The following CMSS1 variants were observed in gnomAD, a reference collection of about 807,000 sequenced individuals.
The protein encoded by CMSS1 is cms1 ribosomal small subunit homolog, also known as protein CMSS1.
In CMSS1, 33 loss-of-function variants were observed where a neutral mutation model predicts 43.5. That is an observed-to-expected ratio of 0.76 (90% confidence interval 0.57 to 1.01). CMSS1 has a LOEUF of 1.01. CMSS1 is among the 50% of genes least tolerant of loss of function. The pLI, the probability that CMSS1 is intolerant of heterozygous loss-of-function variation, is 0.00. For synonymous variants in CMSS1, 115 were observed against 117.2 expected, an observed-to-expected ratio of 0.98 and a Z score of 0.12; for missense variants, 313 against 326.4, an observed-to-expected ratio of 0.96 and a Z score of 0.32.
intron 1 of CMSS1, among the ~76,000 whole-genome samples, chr3:100,079,994 G>A (rs1191469385): frequency 6.6e-6 from 1 of 152,110 alleles, no homozygotes. Context: ...GGAGTGGCTA[G>A]ATCAAGCAAC....
At chr3:99,908,009 G>A (rs1275265178) in intron 1 of CMSS1, among the ~76,000 whole-genome samples, 6 of 152,204 alleles carry the variant, frequency 3.9e-5, no homozygotes, top group Admixed American at 2.0e-4. Context: ...ACTGTGTATT[G>A]AATATTTGTA....
At chr3:100,005,263 G>C (rs949989665) in intron 1 of CMSS1, among the ~76,000 whole-genome samples, 8 of 152,190 alleles carry the variant, frequency 5.3e-5, no homozygotes. Flanking sequence ...TGCTCACTTT[G>C]TGTTTTTGGC....
chr3:100,027,114 G>C (rs1016894314), intron 1 of CMSS1, among the ~76,000 whole-genome samples: 1 of 152,028 alleles, frequency 6.6e-6, no homozygotes, highest in Non-Finnish European at 1.5e-5. Flanking sequence ...CCTTGGACAC[G>C]CTATCTAAAC....
chr3:100,108,098 T>A (rs1387647), intron 1 of CMSS1, among the ~76,000 whole-genome samples: 1 of 151,762 alleles, frequency 6.6e-6, no homozygotes, highest in Non-Finnish European at 1.5e-5. Flanking sequence ...TAACTTAGGG[T>A]CCCAAAGAAA....
chr3:99,991,474 A>G (rs1284523733), intron 1 of CMSS1, among the ~76,000 whole-genome samples: 2 of 152,146 alleles, frequency 1.3e-5, no homozygotes, highest in Admixed American at 1.3e-4. Flanking sequence ...TTATATATTT[A>G]GGAGGTACAA....
intron 1 of CMSS1, among the ~76,000 whole-genome samples, chr3:99,938,709 A>G (rs1356990717): frequency 6.6e-6 from 1 of 152,208 alleles, no homozygotes; most frequent in African/African-American, 2.4e-5. Context: ...GGTAAATGTG[A>G]TTCATCTATG....
chr3:100,083,863 G>A (rs1434454327), intron 1 of CMSS1, among the ~76,000 whole-genome samples: 2 of 152,106 alleles, frequency 1.3e-5, no homozygotes, highest in African/African-American at 2.4e-5. Context: ...CATGAGCCAC[G>A]GTGCCTGGCG....
At chr3:100,054,991 G>A (rs755827815) in intron 1 of CMSS1, among the ~76,000 whole-genome samples, 40 of 151,938 alleles carry the variant, frequency 2.6e-4, no homozygotes, top group Admixed American at 1.0e-3. Context: ...CCTCTTTTGG[G>A]CCTTCTTGCT....
At chr3:99,913,437 T>C (rs1706855872) in intron 1 of CMSS1, among the ~76,000 whole-genome samples, 1 of 152,212 alleles carries the variant, frequency 6.6e-6, no homozygotes, top group Non-Finnish European at 1.5e-5. Flanking sequence ...TTAACCTATT[T>C]CTAAAGGAAA....
At chr3:99,864,905 T>C (rs1944436582) in intron 1 of CMSS1, among the ~76,000 whole-genome samples, 1 of 152,204 alleles carries the variant, frequency 6.6e-6, no homozygotes, top group Admixed American at 6.5e-5. Context: ...ATGGTGTGTG[T>C]GTATGTGCGC....
At chr3:99,916,926 T>C (rs556483585) in intron 1 of CMSS1, among the ~76,000 whole-genome samples, 1 of 152,350 alleles carries the variant, frequency 6.6e-6, no homozygotes, top group Middle Eastern at 3.4e-3. Flanking sequence ...TACCTATGAG[T>C]TGCAAATTCA....
At chr3:99,949,748 T>G (rs1419979629) in intron 1 of CMSS1, among the ~76,000 whole-genome samples, 1 of 152,236 alleles carries the variant, frequency 6.6e-6, no homozygotes, top group Non-Finnish European at 1.5e-5. Context: ...TTAGCCATTA[T>G]GTATCTAAAG....
intron 2 of CMSS1, among the ~76,000 whole-genome samples, chr3:100,157,823 G>A (rs908992016): frequency 1.3e-5 from 2 of 152,180 alleles, no homozygotes; most frequent in African/African-American, 2.4e-5. Context: ...ATCACCTAGT[G>A]GGGGACAGGA....
intron 1 of CMSS1, chr3:100,041,133 A>G (rs898889509): frequency 2.6e-5 from 4 of 152,198 alleles, no homozygotes; most frequent in East Asian, 3.8e-4. Context: ...CAGCTCAGAT[A>G]TAGCTAAATG....
chr3:100,123,987 G>T (rs768871902), intron 1 of CMSS1, among the ~76,000 whole-genome samples: 7 of 152,054 alleles, frequency 4.6e-5, no homozygotes, highest in African/African-American at 1.7e-4. Flanking sequence ...ATAGCACTGG[G>T]GTCCTCTTTA....
intron 1 of CMSS1, among the ~76,000 whole-genome samples, chr3:100,064,755 A>C (rs963136226): frequency 6.6e-6 from 1 of 152,272 alleles, no homozygotes; most frequent in Middle Eastern, 3.4e-3. Flanking sequence ...CATTCTAATA[A>C]GTTCCGTGTT....
At chr3:99,965,897 G>C (rs942699078) in intron 1 of CMSS1, among the ~76,000 whole-genome samples, 17 of 152,104 alleles carry the variant, frequency 1.1e-4, no homozygotes, top group African/African-American at 3.9e-4. Context: ...GCCGCCACTG[G>C]ACCATTTCTG....
chr3:99,938,579 C>G (rs912419208), intron 1 of CMSS1, among the ~76,000 whole-genome samples: 1 of 152,302 alleles, frequency 6.6e-6, no homozygotes, highest in East Asian at 1.9e-4. Context: ...GCATTTCCCC[C>G]TATCTTTACA....
intron 1 of CMSS1, among the ~76,000 whole-genome samples, chr3:99,837,892 G>T (rs1295679676): frequency 6.6e-6 from 1 of 152,172 alleles, no homozygotes; most frequent in Non-Finnish European, 1.5e-5. Flanking sequence ...TTGATCCCTT[G>T]ATTGCCTTTT....
Sources: allele counts gnomAD v4.1 joint callset (sites outside exome capture counted in the v4.1 genomes callset), GRCh38; gene constraint gnomAD v4.1.1; transcripts MANE v1.5; gene names NCBI Gene and HGNC (gene_info 2026-07-23, HGNC 2026-07-21).